Variants in TSKS observed in about 807,000 individuals in gnomAD.
The protein encoded by TSKS is testis specific serine kinase substrate.
In TSKS, 27 loss-of-function variants were observed where a neutral mutation model predicts 68.0. The ratio of observed to expected loss-of-function variants is 0.40; its 90% confidence interval spans 0.29 to 0.55. TSKS has a LOEUF of 0.55. Among genes scored for constraint, TSKS ranks in the 20% least tolerant of loss-of-function variants. The pLI is 0.53. For missense variants in TSKS, 806 were observed against 776.0 expected (o/e 1.04, Z -0.46); for synonymous variants, 331 against 340.4 (o/e 0.97, Z 0.30).
intron 4 of TSKS, 120 bp from the exon 5 acceptor site, chr19:49,747,592 C>T: frequency 1.0e-6 from 1 of 963,416 alleles, no homozygotes; most frequent in Non-Finnish European, 1.6e-6. Context: ...AAGACACACT[C>T]ACCAGCTCAT....
At chr19:49,743,498 T>C (rs76099151) in intron 8 of TSKS, among the ~76,000 whole-genome samples, 62 of 138,238 alleles carry the variant, frequency 4.5e-4, no homozygotes, top group African/African-American at 1.3e-3. Flanking sequence ...AATTTCTTTT[T>C]TTTTTTTTTT....
intron 9 of TSKS, among the ~76,000 whole-genome samples, chr19:49,741,215 T>A (rs370040873): frequency 2.6e-5 from 4 of 151,272 alleles, no homozygotes; most frequent in African/African-American, 9.7e-5. Flanking sequence ...CAGTCCTTAG[T>A]GCCCTGGTTC....
intron 2 of TSKS, among the ~76,000 whole-genome samples, chr19:49,751,899 C>CAAA (rs61310693): frequency 0.02 from 768 of 38,748 alleles, 1 homozygote; most frequent in Non-Finnish European, 0.027. Context: ...CCCAACTCTA[C>CAAA]AAAAAAAAAA....
At position 49,740,108 on chromosome 19, in the gene TSKS, C is replaced by CGTCTTGG; in HGVS notation, c.1566_1572dup (p.Glu525ProfsTer45). 1 of 1,614,168 alleles carries CGTCTTGG rather than the reference C, an allele frequency of 6.2e-7. No individual in the cohort carries two copies. Among genetic ancestry groups the CGTCTTGG allele is most frequent in the Non-Finnish European group, 8.5e-7 (1 of 1,180,028 alleles). The stretch of plus-strand genomic sequence containing the variant: ...AGTAGGTTCTTGGCCCGCAGGGCCT[C>CGTCTTGG]GTCTTGGGCCAGCCGAAGGGTGGAG... On this transcript the variant is annotated frameshift_variant, in exon 10 of 11. Transcript: ENST00000246801. LOFTEE classifies it high-confidence loss of function.
rs766310092 is a variant in TSKS at position 49,744,334 on chromosome 19, T to A, written c.1258A>T (p.Ile420Phe). The A allele has an allele frequency of 7.4e-6, 12 of 1,613,896 alleles. No individual in the cohort carries two copies. Among genetic ancestry groups the A allele is most frequent in the East Asian group, 4.5e-5 (2 of 44,888 alleles). The change falls in exon 8 of 11, where the codon ATT becomes TTT. Residue 420 changes from isoleucine (I) to phenylalanine (F), a missense_variant. Coordinates refer to ENST00000246801, the MANE Select transcript of TSKS (RefSeq NM_021733.2). The stretch of plus-strand genomic sequence containing the variant: ...AATTGCCGCCCGAACTCCTCCAGAA[T>A]GGGTTTCAGTGGGCCCAGCCCCTCC... ...ELEGLGPLKP[I>F]LEEFGRQFQN...
chr19:49,759,528 G>A (rs540454725), intron 2 of TSKS, among the ~76,000 whole-genome samples: 1 of 151,318 alleles, frequency 6.6e-6, no homozygotes, highest in South Asian at 2.1e-4. Context: ...ACAGCTACTC[G>A]GGAGGCTGAG....
Position 49,746,593 on chromosome 19 carries a change from T to G in TSKS, c.869A>C (p.Asp290Ala). The change falls in exon 6 of 11, where the codon GAC becomes GCC. Residue 290 changes from aspartate to alanine, a missense_variant. Coordinates refer to ENST00000246801, the MANE Select transcript of TSKS (RefSeq NM_021733.2). ...CAGGCCGTGTGGCCGCGAGGGTTTG[T>G]CGGGACTCCCTGGCGGGCCGGGGCA... The part of the protein sequence containing the change: ...QGCPGPPGSP[D>A]KPSRPHGLVP... 6.2e-7 allele frequency: 1 copy of G among 1,612,334 alleles called. No homozygotes were observed. Among genetic ancestry groups the G allele is most frequent in the Non-Finnish European group, 8.5e-7 (1 of 1,179,380 alleles).
intron 2 of TSKS, among the ~76,000 whole-genome samples, chr19:49,752,309 G>C (rs62129175): frequency 6.6e-6 from 1 of 151,756 alleles, no homozygotes; most frequent in African/African-American, 2.4e-5. Context: ...GCTTGAACCC[G>C]GGAGGTGGAG....
At position 49,763,092 on chromosome 19, in the gene TSKS, G is replaced by C. The variant is rs368197293; in HGVS notation, c.156C>G (p.Ala52=). The change falls in exon 1 of 11, where the codon GCC becomes GCG. Residue 52 remains alanine, a synonymous_variant. Transcript: ENST00000246801. The surrounding 1 kb of genome is among the most constrained non-coding windows in gnomAD (Gnocchi z 4.5). The stretch of plus-strand genomic sequence containing the variant: ...AACAAACCCACCCGTGGAACGACAC[G>C]GCCTTCTTTTTCTTCGGGATCCCCT... ...RAKGIPKKKK[A]VSFHGVEPQM... 4.3e-6 allele frequency: 7 copies of C among 1,612,084 alleles called. No homozygotes were observed. Among genetic ancestry groups the C allele is most frequent in the Non-Finnish European group, 5.1e-6 (6 of 1,179,030 alleles).
In TSKS at chr19:49,763,126, C is replaced by T; in HGVS notation, c.122G>A (p.Ser41Asn). Residue 41 changes from serine to asparagine, a missense_variant, in exon 1 of 11, where the codon AGC becomes AAC. By Grantham distance (46) the Ser-to-Asn change is conservative. Coordinates refer to ENST00000246801, the MANE Select transcript of TSKS (RefSeq NM_021733.2). The surrounding 1 kb of genome is among the most constrained non-coding windows in gnomAD (Gnocchi z 4.5). ...TTTCTTCGGGATCCCCTTGGCCCGG[C>T]TGGTCACCCTCCGGGGAGCCTCTGG... ...LVPEAPRRVTSRAKGIPKKKK... is the reference protein window; with the variant it reads ...LVPEAPRRVTNRAKGIPKKKK... 1 of 1,612,360 alleles carries T rather than the reference C, an allele frequency of 6.2e-7. No homozygotes were observed. The highest frequency in any genetic ancestry group is 1.7e-5 in the Admixed American group (1 of 59,818).
chr19:49,742,649 C>G (rs1338169799), intron 8 of TSKS, among the ~76,000 whole-genome samples: 1 of 151,948 alleles, frequency 6.6e-6, no homozygotes, highest in Non-Finnish European at 1.5e-5. Flanking sequence ...AGGCACCCGC[C>G]AGCACGCCTA....
At chr19:49,744,427 T>C (rs2084279559) in intron 7 of TSKS, 23 bp from the exon 8 acceptor site, 2 of 1,604,488 alleles carry the variant, frequency 1.2e-6, no homozygotes, top group Admixed American at 1.7e-5. Context: ...TAACCAGTGC[T>C]GCTGGGTCGT....
chr19:49,746,177 G>A (rs2123606665), intron 6 of TSKS, among the ~76,000 whole-genome samples: 1 of 151,086 alleles, frequency 6.6e-6, no homozygotes, highest in South Asian at 2.1e-4. Flanking sequence ...GCGAGACTCC[G>A]CCTCAAAAAA....
At chr19:49,741,541 C>A (rs1203455872) in intron 9 of TSKS, among the ~76,000 whole-genome samples, 1 of 152,144 alleles carries the variant, frequency 6.6e-6, no homozygotes, top group Non-Finnish European at 1.5e-5. Context: ...GTACAATGCA[C>A]CGCCTCTCTA....
intron 8 of TSKS, among the ~76,000 whole-genome samples, chr19:49,743,484 A>G (rs988889870): frequency 1.4e-5 from 2 of 147,548 alleles, no homozygotes; most frequent in Non-Finnish European, 3.0e-5. Flanking sequence ...CCCGGGTCCA[A>G]GTGAATTTCT....
At chr19:49,745,776 C>A (rs2084293494) in intron 6 of TSKS, among the ~76,000 whole-genome samples, 1 of 151,962 alleles carries the variant, frequency 6.6e-6, no homozygotes, top group Non-Finnish European at 1.5e-5. Flanking sequence ...CCTGGACCTG[C>A]CTCCCAGCAG....
In TSKS at chr19:49,762,352, C is replaced by T. The variant is rs186140583; in HGVS notation, c.171-120G>A. ...CCACCCTCACTGTATATAAGTTTCT[C>T]CCTTCTCTGTCCCCGCTGCCTACTT... On this transcript the variant is annotated intron_variant, in intron 1 of 10. Transcript: ENST00000246801. 9.4e-4 allele frequency: 632 copies of T among 675,262 alleles called. 4 individuals are homozygous for T. The African/African-American group carries it at 0.011, about 11-fold the overall frequency. 41.8% of individuals were successfully genotyped at this position (675,262 alleles called of 1,614,324 possible). A position where few individuals can be genotyped will look rare whatever the true frequency, so the allele number is the denominator to read the frequency against.
rs550714467 is a variant in TSKS at position 49,745,891 on chromosome 19, G to C, written c.993-495C>G. ...GAGACCCCAGCCTTGTCGCCTTCCG[G>C]TTAAGATCTAGGCCGGGCGCGGTGG... On this transcript the variant is annotated intron_variant, in intron 6 of 10. Coordinates refer to ENST00000246801, the MANE Select transcript of TSKS (RefSeq NM_021733.2). 2.0e-5 allele frequency among the ~76,000 whole-genome samples: 3 copies of C among 152,136 alleles called. No individual in the cohort carries two copies. The East Asian group carries it at 5.8e-4, about 29-fold the overall frequency.
Position 49,746,452 on chromosome 19 carries a change from C to A in TSKS, c.992+18G>T, listed in dbSNP as rs2084300980. 1 of 1,613,084 alleles carries A rather than the reference C, an allele frequency of 6.2e-7. No individual in the cohort carries two copies. Among genetic ancestry groups the A allele is most frequent in the Non-Finnish European group, 8.5e-7 (1 of 1,179,590 alleles). On this transcript the variant is annotated intron_variant, in intron 6 of 10. Coordinates refer to ENST00000246801, the MANE Select transcript of TSKS (RefSeq NM_021733.2). ...CGCCGATCTCGTTTTCGAGGCTCCG[C>A]CCCTAGGTCCCGCCCACCTCAGCTC... is the stretch of plus-strand genomic sequence containing the variant.
Sources: gnomAD v4.1 joint callset for allele counts (sites outside exome capture counted in the v4.1 genomes callset) on GRCh38, gnomAD v4.1.1 for gene constraint, Gnocchi (gnomAD v3.1) non-coding constraint, MANE v1.5 for transcripts, NCBI Gene and HGNC (gene_info 2026-07-23, HGNC 2026-07-21) for gene names.